SLC25A18: variants seen among roughly 807,000 people sequenced by gnomAD.
SLC25A18 encodes the protein solute carrier family 25 member 18, also known as mitochondrial glutamate carrier 2.
Under a neutral mutation model 31.1 loss-of-function variants are expected in SLC25A18, and 24 were observed. That is an observed-to-expected ratio of 0.77 (90% CI 0.56 to 1.08). The LOEUF is 1.08. Ranked by LOEUF, SLC25A18 falls within the 50% of genes least tolerant of loss-of-function variation. SLC25A18 has a pLI of 0.00. For missense variants in SLC25A18, 371 were observed against 418.5 expected (o/e 0.89, Z 0.99); for synonymous variants, 173 against 161.9 (o/e 1.07, Z -0.52).
At chr22:17,574,886 CT>C (rs2057194620) in intron 2 of SLC25A18, among the ~76,000 whole-genome samples, 2 of 117,974 alleles carry the variant, frequency 1.7e-5, no homozygotes, top group Non-Finnish European at 3.7e-5. Context: ...GAGTCTCGCT[CT>C]GTCGCCCAGG....
chr22:17,590,260 G>A lies in SLC25A18; in HGVS notation c.*24G>A. The stretch of plus-strand genomic sequence containing the variant: ...AGACAGAGCTGGAGGTCAAGTCCCT[G>A]CGCTTGCCGCCCTCTCTCTAGCTGT... On this transcript the variant is annotated 3_prime_UTR_variant, in exon 11 of 11. Transcript: ENST00000327451. The A allele has an allele frequency of 6.2e-7, 1 of 1,613,920 alleles. No individual in the cohort carries two copies. The highest frequency in any genetic ancestry group is 8.5e-7 in the Non-Finnish European group (1 of 1,179,848).
Position 17,583,396 on chromosome 22 carries a change from C to G in SLC25A18, c.291-20C>G, listed in dbSNP as rs370602933. ...GGCCTGTGGCCTGCGGCTGAAGGAG[C>G]CTGACGCCTGTTCCCATAGGATGCA... is the stretch of plus-strand genomic sequence containing the variant. On this transcript the variant is annotated intron_variant, in intron 6 of 10. Transcript: ENST00000327451. 9 of 1,613,590 alleles carry G rather than the reference C, an allele frequency of 5.6e-6. No individual in the cohort carries two copies. The East Asian group carries it at 1.8e-4, about 32-fold the overall frequency.
In SLC25A18 at chr22:17,581,043, A is replaced by G. The variant is rs1377168083; in HGVS notation, c.27A>G (p.Thr9=). The G allele has an allele frequency of 5.2e-6, 8 of 1,551,780 alleles. No individual in the cohort carries two copies. The Admixed American group carries it at 1.6e-4, about 31-fold the overall frequency. The change falls in exon 4 of 11, where the codon ACA becomes ACG. Residue 9 remains threonine (T), a synonymous_variant. Transcript: ENST00000327451. ...TGTCCTCCCCCTGTCCTAGCATCACAGCCAAACTCATCAATGGAGGTGTAG... is the reference window on the plus strand; with the variant it reads ...TGTCCTCCCCCTGTCCTAGCATCACGGCCAAACTCATCAATGGAGGTGTAG... MTHQDLSI[T]AKLINGGVAG...
chr22:17,573,375 C>T (rs1327282770), intron 2 of SLC25A18, among the ~76,000 whole-genome samples: 11 of 152,008 alleles, frequency 7.2e-5, no homozygotes, highest in South Asian at 4.2e-4. Flanking sequence ...TCCCCACTTC[C>T]CCCCAAAACC....
rs979461823 is a variant in SLC25A18, at chr22:17,579,772, G to A, written c.-173G>A. 3 of 1,407,310 alleles carry A rather than the reference G, an allele frequency of 2.1e-6. No homozygotes were observed. The highest frequency in any genetic ancestry group is 1.6e-5 in the South Asian group (1 of 61,440). The allele number at this position is 1,407,310 out of a possible 1,614,324, so 87.2% of individuals were successfully genotyped here. On this transcript the variant is annotated 5_prime_UTR_variant, in exon 3 of 11. Transcript: ENST00000327451. The stretch of plus-strand genomic sequence containing the variant: ...GAGGAAGCCGCAGCCCAAGGAGGTC[G>A]TCACTTGCCGGGAAGGTGGCTCGGG...
At chr22:17,580,591 G>A (rs1318744792) in intron 3 of SLC25A18, 4 of 993,418 alleles carry the variant, frequency 4.0e-6, no homozygotes, top group African/African-American at 3.5e-5. Context: ...CAGCAACCCT[G>A]GAGTGAGTTC....
intron 10 of SLC25A18, 55 bp downstream of exon 10, chr22:17,589,720 G>T: frequency 6.4e-7 from 1 of 1,550,524 alleles, no homozygotes; most frequent in Non-Finnish European, 8.9e-7. Flanking sequence ...CTGCGTGGGT[G>T]TCTGCCTAGA....
At chr22:17,577,160 C>T (rs532902941) in intron 2 of SLC25A18, among the ~76,000 whole-genome samples, 4 of 152,196 alleles carry the variant, frequency 2.6e-5, no homozygotes, top group South Asian at 4.1e-4. Context: ...GTAGCTGGGA[C>T]GACAGGCGCC....
intron 5 of SLC25A18, 127 bp downstream of exon 5, chr22:17,581,540 C>G (rs1555950161): frequency 9.6e-7 from 1 of 1,043,140 alleles, no homozygotes; most frequent in Non-Finnish European, 1.4e-6. Context: ...CCTGATGAGC[C>G]TCTGTGCTCT....
chr22:17,580,771 A>G, intron 3 of SLC25A18: 3 of 1,218,458 alleles, frequency 2.5e-6, no homozygotes, highest in Non-Finnish European at 3.1e-6. Flanking sequence ...GTGGCGGCCC[A>G]TGGGGGCAGA....
At chr22:17,572,777 G>T (rs1449345025) in intron 2 of SLC25A18, among the ~76,000 whole-genome samples, 74 of 143,816 alleles carry the variant, frequency 5.1e-4, no homozygotes, top group African/African-American at 8.8e-4. Context: ...GAGTAGCTGG[G>T]ACTACAGGCG....
At chr22:17,569,503 T>C (rs1371217284) in intron 1 of SLC25A18, 1 of 586,632 alleles carries the variant, frequency 1.7e-6, no homozygotes, top group Non-Finnish European at 2.1e-6. Context: ...GAAAAGTGCA[T>C]GAGACTGAGA....
Position 17,582,558 on chromosome 22 carries a change from TC to T in SLC25A18, c.200-3del, listed in dbSNP as rs757901257. The T allele has an allele frequency of 9.4e-5, 149 of 1,588,766 alleles. No individual in the cohort carries two copies. In the African/African-American group the frequency reaches 1.8e-3, roughly 19 times the overall value. ...TTGACTCCCCATCTTGTCCTTCACTTCCAGGGGCTGCAGTGAACCTCACTCT... is the reference window on the plus strand; with the variant it reads ...TTGACTCCCCATCTTGTCCTTCACTTCAGGGGCTGCAGTGAACCTCACTCT... On this transcript the variant is annotated splice_polypyrimidine_tract_variant and splice_region_variant and intron_variant, in intron 5 of 10. Transcript: ENST00000327451.
Position 17,581,037 on chromosome 22 carries a change from C to T in SLC25A18, c.21C>T (p.Ser7=), listed in dbSNP as rs956981883. MTHQDL[S]ITAKLINGGV... is the part of the protein sequence containing the mutation. ...TCCCCCTGTCCTCCCCCTGTCCTAG[C>T]ATCACAGCCAAACTCATCAATGGAG... The change falls in exon 4 of 11, where the codon AGC becomes AGT. Residue 7 remains serine (S), a splice_region_variant and synonymous_variant. Transcript: ENST00000327451. 1.9e-6 allele frequency: 3 copies of T among 1,548,996 alleles called. No homozygotes were observed. The highest frequency in any genetic ancestry group is 2.6e-6 in the Non-Finnish European group (3 of 1,145,258).
intron 2 of SLC25A18, among the ~76,000 whole-genome samples, chr22:17,576,622 A>G (rs1478213951): frequency 1.3e-5 from 2 of 152,160 alleles, no homozygotes; most frequent in Admixed American, 6.5e-5. Flanking sequence ...TTGCCTGGCT[A>G]ATGGTTTCGC....
intron 2 of SLC25A18, among the ~76,000 whole-genome samples, chr22:17,574,005 G>T (rs112839421): frequency 1.3e-5 from 2 of 152,178 alleles, no homozygotes; most frequent in African/African-American, 4.8e-5. Context: ...GGAGGTGTGC[G>T]GATCAGCTGA....
chr22:17,574,083 AAAT>A (rs2057165799), intron 2 of SLC25A18, among the ~76,000 whole-genome samples: 1 of 152,148 alleles, frequency 6.6e-6, no homozygotes, highest in Non-Finnish European at 1.5e-5. Context: ...TTTTTTAAAA[AAAT>A]AGCCTGACAT....
intron 1 of SLC25A18, among the ~76,000 whole-genome samples, chr22:17,566,270 G>A (rs2056934220): frequency 6.6e-6 from 1 of 152,142 alleles, no homozygotes; most frequent in Admixed American, 6.5e-5. Context: ...AACACTCTCA[G>A]TGGGGGGATA....
chr22:17,566,853 G>C (rs956440929), intron 1 of SLC25A18, among the ~76,000 whole-genome samples: 1 of 152,160 alleles, frequency 6.6e-6, no homozygotes, highest in Middle Eastern at 3.2e-3. Context: ...TTGCCCACCA[G>C]AAAAGGTGGG....
Sources: allele counts gnomAD v4.1 joint callset (sites outside exome capture counted in the v4.1 genomes callset), GRCh38; gene constraint gnomAD v4.1.1; transcripts MANE v1.5; gene names NCBI Gene and HGNC (gene_info 2026-07-23, HGNC 2026-07-21).